Variants in TMEM35A observed in about 807,000 individuals in gnomAD.
TMEM35A encodes nicotinic acetylcholine receptor chaperone.
For missense variants in TMEM35A, 83 were observed against 132.7 expected (o/e 0.63, Z 1.84); for synonymous variants, 50 against 54.7 (o/e 0.91, Z 0.38).
chrX:101,094,919 A>T lies in TMEM35A; in HGVS notation c.467A>T (p.Tyr156Phe), dbSNP rs776653500. 1 of 1,202,252 alleles carries T rather than the reference A, an allele frequency of 8.3e-7. No individual in the cohort carries two copies. Among genetic ancestry groups the T allele is most frequent in the Non-Finnish European group, 1.1e-6 (1 of 893,011 alleles). Residue 156 changes from tyrosine to phenylalanine, a missense_variant, in exon 2 of 2, where the codon TAT becomes TTT. Transcript: ENST00000372930. ...AATGCTGAGGAGCAACCCTCCTTAT[A>T]TGAGAAGGCCCCTCAGGGCAAAGTG... ...PGNAEEQPSL[Y>F]EKAPQGKVKV...
chrX:101,080,610 G>A (rs1047063213), intron 1 of TMEM35A, among the ~76,000 whole-genome samples: 4 of 109,810 alleles, frequency 3.6e-5, no homozygotes, highest in Non-Finnish European at 5.7e-5. Flanking sequence ...ACAGGGTGGG[G>A]TAGCAGAAGC....
At chrX:101,080,104 G>A (rs1217310210) in intron 1 of TMEM35A, among the ~76,000 whole-genome samples, 3 of 111,537 alleles carry the variant, frequency 2.7e-5, no homozygotes, top group South Asian at 3.8e-4. Context: ...GCTTCTCGTC[G>A]CCTTTGCCAG....
chrX:101,084,188 CA>C (rs746718674), intron 1 of TMEM35A, among the ~76,000 whole-genome samples: 1,295 of 32,294 alleles, frequency 0.04, 25 homozygotes, highest in African/African-American at 0.11. Flanking sequence ...AACTCCATCT[CA>C]AAAAAAAAAA....
intron 1 of TMEM35A, among the ~76,000 whole-genome samples, chrX:101,079,909 G>A (rs1343983042): frequency 4.5e-5 from 5 of 111,730 alleles, no homozygotes; most frequent in Non-Finnish European, 9.4e-5. Context: ...AATCAATCAC[G>A]GAAGGTGACT....
At chrX:101,082,768 C>T (rs989957031) in intron 1 of TMEM35A, among the ~76,000 whole-genome samples, 12 of 110,078 alleles carry the variant, frequency 1.1e-4, no homozygotes, top group African/African-American at 3.3e-4. Context: ...CCTCAGCCTC[C>T]GGAGTAGCTG....
chrX:101,084,550 G>A (rs1221380543), intron 1 of TMEM35A, among the ~76,000 whole-genome samples: 1 of 111,523 alleles, frequency 9.0e-6, no homozygotes, highest in Non-Finnish European at 1.9e-5. Flanking sequence ...ACATTCCCAT[G>A]TAACCCAGCA....
In TMEM35A at chrX:101,094,584, C is replaced by T. The variant is rs1602746088; in HGVS notation, c.132C>T (p.Tyr44=). ...TATTCTCACTCTAGAAACGTGCTTA[C>T]AAGAGCTATGTTCGAGCCCTCCCTC... is the stretch of plus-strand genomic sequence containing the variant. ...KDAYSEMKRA[Y]KSYVRALPLL... The change falls in exon 2 of 2, where the codon TAC becomes TAT. Residue 44 remains tyrosine, a synonymous_variant. Transcript: ENST00000372930. The T allele has an allele frequency of 1.7e-6, 2 of 1,203,377 alleles. No homozygotes were observed. Among genetic ancestry groups the T allele is most frequent in the Non-Finnish European group, 2.2e-6 (2 of 891,081 alleles).
intron 1 of TMEM35A, among the ~76,000 whole-genome samples, chrX:101,090,459 C>T (rs565476985): frequency 5.5e-5 from 6 of 109,024 alleles, no homozygotes; most frequent in Admixed American, 2.0e-4. Flanking sequence ...TGTGCCATCA[C>T]GTCCGGCCTC....
intron 1 of TMEM35A, among the ~76,000 whole-genome samples, chrX:101,084,205 A>AG (rs1419652926): frequency 2.8e-5 from 3 of 108,379 alleles, no homozygotes; most frequent in African/African-American, 1.0e-4. Context: ...AAAAAAAAAA[A>AG]AAAAAAAGAA....
intron 1 of TMEM35A, among the ~76,000 whole-genome samples, chrX:101,083,258 C>G (rs972409115): frequency 3.6e-5 from 4 of 112,126 alleles, no homozygotes; most frequent in Non-Finnish European, 7.5e-5. Flanking sequence ...AGTGCTGGGA[C>G]GCAGTTTCCT....
chrX:101,092,537 G>A (rs1360406371), intron 1 of TMEM35A, among the ~76,000 whole-genome samples: 1 of 111,265 alleles, frequency 9.0e-6, no homozygotes, highest in African/African-American at 3.3e-5. Context: ...ACCCATAATA[G>A]GTGTACAATA....
intron 1 of TMEM35A, among the ~76,000 whole-genome samples, chrX:101,086,635 T>C (rs2089308026): frequency 8.9e-6 from 1 of 112,271 alleles, no homozygotes; most frequent in Non-Finnish European, 1.9e-5. Flanking sequence ...CCAAGGATAT[T>C]GCTAGATGAT....
At chrX:101,082,133 C>CTTTTTTTTTTTTTTT in intron 1 of TMEM35A, among the ~76,000 whole-genome samples, 87 of 20,413 alleles carry the variant, frequency 4.3e-3, no homozygotes, top group East Asian at 8.1e-3. Flanking sequence ...TTCTTTCTTT[C>CTTTTTTTTTTTTTTT]TTTTTTTTTT....
At chrX:101,091,462 C>T (rs1002720523) in intron 1 of TMEM35A, among the ~76,000 whole-genome samples, 3 of 110,564 alleles carry the variant, frequency 2.7e-5, no homozygotes, top group Non-Finnish European at 5.7e-5. Flanking sequence ...ACTGCCACGC[C>T]CAGCTAATTT....
chrX:101,090,161 CTT>C (rs1307461375), intron 1 of TMEM35A, among the ~76,000 whole-genome samples: 1 of 98,746 alleles, frequency 1.0e-5, no homozygotes, highest in African/African-American at 5.0e-5. Flanking sequence ...CTTTCCATTT[CTT>C]TCTTTCTTTT....
chrX:101,082,289 G>GA (rs1241024263), intron 1 of TMEM35A, among the ~76,000 whole-genome samples: 1 of 105,763 alleles, frequency 9.5e-6, no homozygotes, highest in Admixed American at 1.0e-4. Flanking sequence ...TTCTACTGGA[G>GA]AAGCCAGCAA....
At chrX:101,090,165 C>CTTTTTTTTTTTTTTT in intron 1 of TMEM35A, among the ~76,000 whole-genome samples, 10 of 98,159 alleles carry the variant, frequency 1.0e-4, no homozygotes, top group African/African-American at 5.1e-4. Context: ...CCATTTCTTT[C>CTTTTTTTTTTTTTTT]TTTCTTTTTT....
chrX:101,093,221 A>G (rs1329520929), intron 1 of TMEM35A, among the ~76,000 whole-genome samples: 1 of 112,504 alleles, frequency 8.9e-6, no homozygotes, highest in Non-Finnish European at 1.9e-5. Context: ...AGCAGGCACT[A>G]GAAAATATGG....
In TMEM35A at chrX:101,094,394, T is replaced by A. The variant is rs982994762; in HGVS notation, c.121-179T>A. ...CCTCCCAAAGTGCTGAGATTACAGG[T>A]GTGAGCCACTGTGCCTGGCCTCTTA... On this transcript the variant is annotated intron_variant, in intron 1 of 1. Coordinates refer to ENST00000372930, the MANE Select transcript of TMEM35A (RefSeq NM_021637.3). 1.5e-5 allele frequency: 6 copies of A among 393,485 alleles called. No homozygotes were observed. The Admixed American group carries it at 3.2e-4, about 21-fold the overall frequency. 32.4% of individuals were successfully genotyped at this position (393,485 alleles called of 1,213,427 possible).
Sources: gnomAD v4.1 joint callset for allele counts (sites outside exome capture counted in the v4.1 genomes callset) on GRCh38, gnomAD v4.1.1 for gene constraint, MANE v1.5 for transcripts, NCBI Gene and HGNC (gene_info 2026-07-23, HGNC 2026-07-21) for gene names.